The following DMC1 variants were observed in gnomAD, a reference collection of about 807,000 sequenced individuals.
DMC1 encodes DNA meiotic recombinase 1.
DMC1 carries 27 observed loss-of-function variants against 50.1 expected under a neutral mutation model. That is an observed-to-expected ratio of 0.54 (90% CI 0.40 to 0.74). The LOEUF (loss-of-function observed/expected upper bound fraction) is 0.74. Among genes scored for constraint, DMC1 ranks in the 30% least tolerant of loss-of-function variants. The pLI, the probability that DMC1 is intolerant of heterozygous loss-of-function variation, is 0.00. For missense variants in DMC1, 295 were observed against 420.2 expected, an observed-to-expected ratio of 0.70 and a Z score of 2.60; for synonymous variants, 148 against 136.1, an observed-to-expected ratio of 1.09 and a Z score of -0.61.
At chr22:38,559,108 C>A (rs1305083016) in intron 5 of DMC1, among the ~76,000 whole-genome samples, 1 of 152,324 alleles carries the variant, frequency 6.6e-6, no homozygotes, top group Admixed American at 6.5e-5. Context: ...CGGCTCACCA[C>A]AACCTCCATC....
intron 12 of DMC1, among the ~76,000 whole-genome samples, chr22:38,536,973 C>T (rs2145856443): frequency 6.6e-6 from 1 of 152,202 alleles, no homozygotes; most frequent in South Asian, 2.1e-4. Context: ...ACCTCAGCCT[C>T]CCGAATAGCT....
Position 38,538,311 on chromosome 22 carries a change from G to C in DMC1, c.759C>G (p.Leu253=), listed in dbSNP as rs2090238646. 2.5e-6 allele frequency: 4 copies of C among 1,613,740 alleles called. No homozygotes were observed. The highest frequency in any genetic ancestry group is 3.4e-6 in the Non-Finnish European group (4 of 1,179,892). ...QQKLAQMLSR[L]QKISEEYNVA... is the part of the protein sequence containing the mutation. Reference sequence around the variant, plus strand: ...AAGATATACCTTCTGAGATTTTTTGGAGTCGTGACAACATCTGGGCCAATT... The same window carrying C: ...AAGATATACCTTCTGAGATTTTTTGCAGTCGTGACAACATCTGGGCCAATT... The change falls in exon 11 of 14, where the codon CTC becomes CTG. Residue 253 remains leucine, a synonymous_variant. Transcript: ENST00000216024.
intron 7 of DMC1, among the ~76,000 whole-genome samples, chr22:38,551,633 A>G (rs2090412270): frequency 1.3e-5 from 2 of 152,014 alleles, no homozygotes; most frequent in African/African-American, 4.8e-5. Flanking sequence ...CTAGACTGCA[A>G]TTACTTTTTA....
intron 12 of DMC1, among the ~76,000 whole-genome samples, chr22:38,529,501 A>T (rs565424177): frequency 6.6e-6 from 1 of 152,242 alleles, no homozygotes; most frequent in South Asian, 2.1e-4. Context: ...GGGGATGAGA[A>T]TATTTCACTT....
At chr22:38,528,916 T>TA (rs1427112926) in intron 12 of DMC1, among the ~76,000 whole-genome samples, 2 of 152,352 alleles carry the variant, frequency 1.3e-5, no homozygotes, top group East Asian at 3.9e-4. Context: ...TCCTGACTAT[T>TA]ACAGCAGTTA....
chr22:38,509,367 C>T, the DMC1 span, among the ~76,000 whole-genome samples: 1 of 152,096 alleles, frequency 6.6e-6, no homozygotes, highest in South Asian at 2.1e-4. Context: ...CTCCATGTGT[C>T]CGTGTCCTCT....
At position 38,540,277 on chromosome 22, in the gene DMC1, C is replaced by T. The variant is rs938795401; in HGVS notation, c.495-865G>A. 5.9e-5 allele frequency among the ~76,000 whole-genome samples: 9 copies of T among 152,204 alleles called. 1 individual carries two copies. The highest frequency in any genetic ancestry group is 2.2e-4 in the African/African-American group (9 of 41,536). On this transcript the variant is annotated intron_variant, in intron 8 of 13. Transcript: ENST00000216024. The stretch of plus-strand genomic sequence containing the variant: ...GCCAGGCTGGTTTCAAACTACTGAC[C>T]TCAAGTGATATGCCTGCCTCGGCCT...
chr22:38,522,393 A>G (rs1239626770), intron 12 of DMC1, among the ~76,000 whole-genome samples: 2 of 151,982 alleles, frequency 1.3e-5, no homozygotes, highest in Admixed American at 6.5e-5. Context: ...CATCTCTACT[A>G]AAAATACAAA....
At chr22:38,537,244 T>C (rs2090224016) in intron 12 of DMC1, among the ~76,000 whole-genome samples, 1 of 152,054 alleles carries the variant, frequency 6.6e-6, no homozygotes, top group Non-Finnish European at 1.5e-5. Context: ...GATAGAATCT[T>C]GCTCTGTTTC....
intron 5 of DMC1, among the ~76,000 whole-genome samples, chr22:38,557,011 C>T (rs970648719): frequency 6.6e-6 from 1 of 152,160 alleles, no homozygotes; most frequent in Non-Finnish European, 1.5e-5. Flanking sequence ...ATCTTATAGG[C>T]CCAGCAACTA....
At chr22:38,569,787 G>A (rs984789605) in intron 1 of DMC1, among the ~76,000 whole-genome samples, 33 of 152,330 alleles carry the variant, frequency 2.2e-4, no homozygotes, top group African/African-American at 7.9e-4. Context: ...ACCCCCTGCG[G>A]CCGCCGGACA....
chr22:38,549,920 G>A lies in DMC1; in HGVS notation c.494+5C>T, dbSNP rs1264871525. 1 of 1,606,980 alleles carries A rather than the reference G, an allele frequency of 6.2e-7. No individual in the cohort carries two copies. The highest frequency in any genetic ancestry group is 8.5e-7 in the Non-Finnish European group (1 of 1,174,042). On this transcript the variant is annotated splice_donor_5th_base_variant and intron_variant, in intron 8 of 13. Transcript: ENST00000216024. ...TATGTTAGCAACTTTAAATAAAAAG[G>A]TTACAAAGTATTTTCTGTATCAATG...
At chr22:38,569,375 A>G (rs2090614751) in intron 1 of DMC1, 1 of 152,070 alleles carries the variant, frequency 6.6e-6, no homozygotes, top group Non-Finnish European at 1.5e-5. Flanking sequence ...TTGATACCAA[A>G]GTCAGGGGTT....
intron 12 of DMC1, among the ~76,000 whole-genome samples, chr22:38,524,324 G>C (rs751554580): frequency 6.6e-6 from 1 of 152,122 alleles, no homozygotes; most frequent in African/African-American, 2.4e-5. Flanking sequence ...TGAGGCAGAA[G>C]AATCACTTGA....
chr22:38,558,490 G>A (rs1320576739), intron 5 of DMC1, among the ~76,000 whole-genome samples: 3 of 151,906 alleles, frequency 2.0e-5, no homozygotes, highest in Admixed American at 2.0e-4. Context: ...CGAGGCAAGT[G>A]GATCATCTGA....
At chr22:38,537,270 A>G (rs1467728677) in intron 12 of DMC1, among the ~76,000 whole-genome samples, 2 of 151,896 alleles carry the variant, frequency 1.3e-5, no homozygotes, top group African/African-American at 4.8e-5. Context: ...CAGGAGTACA[A>G]TGGCGCGATC....
rs369830614 is a variant in DMC1 at position 38,525,416 on chromosome 22, A to C, written c.837-3692T>G. Among the ~76,000 whole-genome samples the C allele has an allele frequency of 2.0e-5, 3 of 152,072 alleles. No individual in the cohort carries two copies. The East Asian group carries it at 5.8e-4, about 29-fold the overall frequency. ...TGCCATTATAGATAACCTAAACAAG[A>C]CTGGGAAGCTAGAGCTTCTAGATGT... On this transcript the variant is annotated intron_variant, in intron 12 of 13. Transcript: ENST00000216024.
intron 1 of DMC1, among the ~76,000 whole-genome samples, chr22:38,569,614 A>T (rs2090617761): frequency 6.6e-6 from 1 of 152,204 alleles, no homozygotes; most frequent in African/African-American, 2.4e-5. Flanking sequence ...AAATGAAAAG[A>T]TTGTCCCCCA....
At chr22:38,514,441 A>C (rs931600636), downstream of DMC1, among the ~76,000 whole-genome samples, 1 of 151,420 alleles carries the variant, frequency 6.6e-6, no homozygotes, top group East Asian at 1.9e-4. Context: ...GACGGGTTTC[A>C]CCATGTTGGC....
Sources: gnomAD v4.1 joint callset for allele counts (sites outside exome capture counted in the v4.1 genomes callset) on GRCh38, gnomAD v4.1.1 for gene constraint, MANE v1.5 for transcripts, NCBI Gene and HGNC (gene_info 2026-07-23, HGNC 2026-07-21) for gene names.